LRRC8D: variants seen among roughly 807,000 people sequenced by gnomAD.
LRRC8D encodes volume-regulated anion channel subunit LRRC8D.
Under a neutral mutation model 55.8 loss-of-function variants are expected in LRRC8D, and 20 were observed. The observed-to-expected ratio is 0.36, with a 90% CI of 0.25 to 0.52. LRRC8D has a LOEUF of 0.52. LRRC8D is among the 20% of genes least tolerant of loss of function. The pLI is 0.93. For synonymous variants in LRRC8D, 352 were observed against 377.0 expected (o/e 0.93, Z 0.77); for missense variants, 651 against 1,030.8 (o/e 0.63, Z 5.05).
At chr1:89,877,130 G>C (rs1328742250) in intron 2 of LRRC8D, among the ~76,000 whole-genome samples, 1 of 152,214 alleles carries the variant, frequency 6.6e-6, no homozygotes, top group African/African-American at 2.4e-5. Context: ...AATATGACAA[G>C]GGTCTGCTTT....
chr1:89,923,254 G>C (rs563463090), intron 2 of LRRC8D, among the ~76,000 whole-genome samples: 46 of 152,292 alleles, frequency 3.0e-4, no homozygotes, highest in African/African-American at 1.1e-3. Flanking sequence ...AATTATTTAA[G>C]TCTTTTGCAA....
At chr1:89,868,427 C>G (rs1661906911) in intron 2 of LRRC8D, among the ~76,000 whole-genome samples, 1 of 152,178 alleles carries the variant, frequency 6.6e-6, no homozygotes, top group Admixed American at 6.5e-5. Flanking sequence ...AAAACTACAT[C>G]TGATCTCTCC....
chr1:89,890,587 G>C (rs1662550864), intron 2 of LRRC8D, among the ~76,000 whole-genome samples: 1 of 152,116 alleles, frequency 6.6e-6, no homozygotes, highest in South Asian at 2.1e-4. Flanking sequence ...CCATGTTTTT[G>C]ATTTTTGATT....
At chr1:89,878,918 G>C (rs1053453991) in intron 2 of LRRC8D, among the ~76,000 whole-genome samples, 1 of 151,274 alleles carries the variant, frequency 6.6e-6, no homozygotes, top group Non-Finnish European at 1.5e-5. Flanking sequence ...AGTGAGCTGA[G>C]GTCGCACCAC....
At chr1:89,850,725 T>G (rs975408559) in intron 2 of LRRC8D, among the ~76,000 whole-genome samples, 3 of 152,238 alleles carry the variant, frequency 2.0e-5, no homozygotes, top group Non-Finnish European at 4.4e-5. Flanking sequence ...TCCATTTCTT[T>G]ACTATTGGAT....
At chr1:89,913,180 T>C (rs554588876) in intron 2 of LRRC8D, among the ~76,000 whole-genome samples, 1 of 152,360 alleles carries the variant, frequency 6.6e-6, no homozygotes, top group African/African-American at 2.4e-5. Context: ...GTTGAACTGC[T>C]TCTTACATCC....
chr1:89,894,161 A>T (rs1662648793), intron 2 of LRRC8D, among the ~76,000 whole-genome samples: 2 of 152,248 alleles, frequency 1.3e-5, no homozygotes, highest in African/African-American at 2.4e-5. Flanking sequence ...GAGGATAGAC[A>T]GGGAAGTCAG....
intron 2 of LRRC8D, among the ~76,000 whole-genome samples, chr1:89,876,511 CAG>C (rs1419980835): frequency 6.6e-6 from 1 of 152,156 alleles, no homozygotes; most frequent in Non-Finnish European, 1.5e-5. Context: ...TTTGTCTCCA[CAG>C]AGAGTGCAGA....
intron 2 of LRRC8D, among the ~76,000 whole-genome samples, chr1:89,882,408 G>C (rs777618649): frequency 8.5e-5 from 13 of 152,168 alleles, no homozygotes; most frequent in Non-Finnish European, 1.2e-4. Context: ...ATTAATATGA[G>C]TCTACTCAAG....
chr1:89,856,651 A>G (rs1661559925), intron 2 of LRRC8D, among the ~76,000 whole-genome samples: 1 of 152,242 alleles, frequency 6.6e-6, no homozygotes, highest in Non-Finnish European at 1.5e-5. Flanking sequence ...TCCTTTTCAA[A>G]TCCCTTAGGT....
intron 1 of LRRC8D, among the ~76,000 whole-genome samples, chr1:89,823,008 GC>G (rs1216375566): frequency 6.6e-6 from 1 of 152,096 alleles, no homozygotes; most frequent in Admixed American, 6.5e-5. Flanking sequence ...TACTTATGGA[GC>G]CCCCCATAAA....
intron 1 of LRRC8D, among the ~76,000 whole-genome samples, chr1:89,828,590 T>C (rs1660816608): frequency 6.6e-6 from 1 of 152,206 alleles, no homozygotes; most frequent in Non-Finnish European, 1.5e-5. Flanking sequence ...GCTGGCAATT[T>C]TGTGATAGTC....
chr1:89,860,788 ATATATATATAT>A (rs1661697618), intron 2 of LRRC8D, among the ~76,000 whole-genome samples: 2 of 85,944 alleles, frequency 2.3e-5, no homozygotes, highest in South Asian at 3.6e-4. Flanking sequence ...AAAAAAAAAT[ATATATATATAT>A]ATATATATAT....
At chr1:89,860,786 ATATATATAT>A (rs374835393) in intron 2 of LRRC8D, among the ~76,000 whole-genome samples, 710 of 21,092 alleles carry the variant, frequency 0.034, 15 homozygotes, top group Non-Finnish European at 0.063. Context: ...AAAAAAAAAA[ATATATATAT>A]ATATATATAT....
chr1:89,931,500 C>T (rs1663704414), intron 2 of LRRC8D, among the ~76,000 whole-genome samples: 1 of 152,150 alleles, frequency 6.6e-6, no homozygotes, highest in African/African-American at 2.4e-5. Flanking sequence ...GTGGCTCACA[C>T]CTGTAATCCC....
intron 2 of LRRC8D, among the ~76,000 whole-genome samples, chr1:89,929,435 C>T (rs1663644926): frequency 6.6e-6 from 1 of 152,114 alleles, no homozygotes; most frequent in Admixed American, 6.5e-5. Flanking sequence ...ACCAAGGGAC[C>T]CATGGCAAGA....
intron 2 of LRRC8D, among the ~76,000 whole-genome samples, chr1:89,901,610 C>A (rs1489501750): frequency 5.3e-5 from 8 of 152,206 alleles, no homozygotes; most frequent in Admixed American, 4.6e-4. Context: ...TGGAGGGAAT[C>A]CTTTGGTGCC....
At chr1:89,875,004 G>A (rs535790384) in intron 2 of LRRC8D, among the ~76,000 whole-genome samples, 5 of 152,200 alleles carry the variant, frequency 3.3e-5, no homozygotes, top group South Asian at 4.1e-4. Context: ...GTATCTGGAC[G>A]AGGCAACTTC....
At chr1:89,839,905 C>T (rs911104039) in intron 1 of LRRC8D, among the ~76,000 whole-genome samples, 2 of 152,202 alleles carry the variant, frequency 1.3e-5, no homozygotes, top group Non-Finnish European at 2.9e-5. Flanking sequence ...AACCGCCAAA[C>T]TAAGATCTTT....
Sources: allele counts gnomAD v4.1 joint callset (sites outside exome capture counted in the v4.1 genomes callset), GRCh38; gene constraint gnomAD v4.1.1; transcripts MANE v1.5; gene names NCBI Gene and HGNC (gene_info 2026-07-23, HGNC 2026-07-21).